The following RBFOX3 variants were observed in gnomAD, a reference collection of about 807,000 sequenced individuals.
The protein encoded by RBFOX3 is RNA binding fox-1 homolog 3.
In RBFOX3, 17 loss-of-function variants were observed where a neutral mutation model predicts 48.7. The observed-to-expected ratio is 0.35, with a 90% CI of 0.24 to 0.52. The LOEUF (loss-of-function observed/expected upper bound fraction) is 0.52. Ranked by LOEUF, RBFOX3 falls within the 20% of genes least tolerant of loss-of-function variation. The pLI is 0.94. For missense variants in RBFOX3, 382 were observed against 497.5 expected (o/e 0.77, Z 2.21); for synonymous variants, 212 against 209.5 (o/e 1.01, Z -0.10).
chr17:79,155,381 G>A (rs947988495), intron 4 of RBFOX3, among the ~76,000 whole-genome samples: 10 of 152,250 alleles, frequency 6.6e-5, no homozygotes, highest in African/African-American at 1.9e-4. Context: ...GCCCGCTCTC[G>A]GGCAGGAAGC....
intron 2 of RBFOX3, among the ~76,000 whole-genome samples, chr17:79,449,767 C>T (rs2073111969): frequency 6.6e-6 from 1 of 152,080 alleles, no homozygotes; most frequent in Admixed American, 6.5e-5. Flanking sequence ...GATGCAACCT[C>T]TTCACTTCTG....
chr17:79,540,520 T>C (rs2089528396), intron 1 of RBFOX3, among the ~76,000 whole-genome samples: 1 of 152,204 alleles, frequency 6.6e-6, no homozygotes, highest in Non-Finnish European at 1.5e-5. Flanking sequence ...AAGGCCAGCA[T>C]CCTGGATGGT....
At chr17:79,237,912 C>A (rs1342234697) in intron 3 of RBFOX3, among the ~76,000 whole-genome samples, 1 of 146,734 alleles carries the variant, frequency 6.8e-6, no homozygotes. Flanking sequence ...CGGCTTGCAT[C>A]AACTGCTGCC....
rs1490870571 is a variant in RBFOX3 at position 79,610,789 on chromosome 17, C to T, written c.-320+37G>A. 2.0e-5 allele frequency among the ~76,000 whole-genome samples: 3 copies of T among 152,040 alleles called. No individual in the cohort carries two copies. In the East Asian group the frequency reaches 5.8e-4, roughly 30 times the overall value. ...AGCTCAGCCCGATGGGAATGACCGC[C>T]GCAGAGCGAGGCGGGCGACGAGGCC... On this transcript the variant is annotated intron_variant, in intron 1 of 14. Transcript: ENST00000693108.
At chr17:79,270,189 G>C (rs913440911) in intron 3 of RBFOX3, among the ~76,000 whole-genome samples, 1 of 151,976 alleles carries the variant, frequency 6.6e-6, no homozygotes, top group Admixed American at 6.6e-5. Context: ...AGCATTCCCT[G>C]CTCCCTTTTT....
chr17:79,428,491 C>T (rs2067803303), intron 2 of RBFOX3, among the ~76,000 whole-genome samples: 1 of 152,262 alleles, frequency 6.6e-6, no homozygotes, highest in Admixed American at 6.5e-5. Flanking sequence ...TTACTTGTCC[C>T]TAACACGGGG....
At chr17:79,255,222 C>CGTGTGT (rs142604866) in intron 3 of RBFOX3, among the ~76,000 whole-genome samples, 7,226 of 147,448 alleles carry the variant, frequency 0.049, 248 homozygotes, top group African/African-American at 0.09. Context: ...CACATGTGTG[C>CGTGTGT]GTGTGTGTGT....
chr17:79,363,877 G>A lies in RBFOX3; in HGVS notation c.-174-56053C>T, dbSNP rs759806795. On this transcript the variant is annotated intron_variant, in intron 2 of 14. Coordinates refer to ENST00000693108, the MANE Select transcript of RBFOX3 (RefSeq NM_001350451.2). This position sits in a 1 kb window ranked among gnomAD's most constrained non-coding sequence, Gnocchi z 4.7. ...GGGATAAAGCAGACGACGGGCTCCT[G>A]CAGCCCCTAACTCTCCCCACCTCGT... Among the ~76,000 whole-genome samples the A allele has an allele frequency of 3.9e-5, 6 of 152,124 alleles. No homozygotes were observed. The highest frequency in any genetic ancestry group is 7.4e-5 in the Non-Finnish European group (5 of 68,026).
chr17:79,401,148 G>T (rs2062748760), intron 2 of RBFOX3, among the ~76,000 whole-genome samples: 3 of 152,202 alleles, frequency 2.0e-5, no homozygotes, highest in South Asian at 4.1e-4. Flanking sequence ...GAATGACAGC[G>T]GTTCGGCAGG....
At chr17:79,225,838 TC>T (rs2060250368) in intron 4 of RBFOX3, among the ~76,000 whole-genome samples, 1 of 152,120 alleles carries the variant, frequency 6.6e-6, no homozygotes, top group East Asian at 1.9e-4. Context: ...AGGTTAACCT[TC>T]CTGCACTCCT....
At chr17:79,394,766 C>T (rs1257803224) in intron 2 of RBFOX3, among the ~76,000 whole-genome samples, 1 of 152,218 alleles carries the variant, frequency 6.6e-6, no homozygotes, top group Admixed American at 6.5e-5. Context: ...CATCTCTCTC[C>T]TCAACTACCC....
chr17:79,611,130 T>TTCTCTCTCTCTCTCCCTCTC (rs2093961175), upstream of RBFOX3, among the ~76,000 whole-genome samples: 1 of 37,846 alleles, frequency 2.6e-5, no homozygotes, highest in African/African-American at 2.6e-4. Flanking sequence ...TCCGCCCTCC[T>TTCTCTCTCTCTCTCCCTCTC]TCTCTCTCTC....
At chr17:79,123,360 A>G (rs2036276289) in intron 4 of RBFOX3, among the ~76,000 whole-genome samples, 1 of 152,168 alleles carries the variant, frequency 6.6e-6, no homozygotes, top group Non-Finnish European at 1.5e-5. Context: ...CACAACAATT[A>G]AAAGTAAGAA....
At chr17:79,442,427 G>C (rs1021493752) in intron 2 of RBFOX3, among the ~76,000 whole-genome samples, 25 of 150,642 alleles carry the variant, frequency 1.7e-4, no homozygotes, top group Non-Finnish European at 3.2e-4. Context: ...GAGAGAGAGA[G>C]ACACCAAGCA....
At chr17:79,448,327 C>G (rs2072768303) in intron 2 of RBFOX3, among the ~76,000 whole-genome samples, 1 of 152,116 alleles carries the variant, frequency 6.6e-6, no homozygotes, top group Non-Finnish European at 1.5e-5. Flanking sequence ...TAACCTGGGA[C>G]CTCAAGCTGT....
At chr17:79,259,690 G>A (rs1035587323) in intron 3 of RBFOX3, among the ~76,000 whole-genome samples, 1 of 152,114 alleles carries the variant, frequency 6.6e-6, no homozygotes, top group East Asian at 1.9e-4. Context: ...TCCCTTTGCT[G>A]AGCCTGGCAA....
chr17:79,178,870 G>A (rs1166516345), intron 4 of RBFOX3, among the ~76,000 whole-genome samples: 1 of 152,208 alleles, frequency 6.6e-6, no homozygotes, highest in African/African-American at 2.4e-5. Flanking sequence ...CAGTGAACAG[G>A]ACAATTTTTC....
At position 79,214,719 on chromosome 17, in the gene RBFOX3, C is replaced by T. The variant is rs2058795966; in HGVS notation, c.-34+21047G>A. ...GAAGCCCAGGAGGGGAGGCTGGAGG[C>T]CCAGGGGCCCCCAGCTACTAGACGG... On this transcript the variant is annotated intron_variant, in intron 4 of 14. Transcript: ENST00000693108. The surrounding 1 kb of genome is among the most constrained non-coding windows in gnomAD (Gnocchi z 4.7). 1.3e-5 allele frequency among the ~76,000 whole-genome samples: 2 copies of T among 151,890 alleles called. No homozygotes were observed. The highest frequency in any genetic ancestry group is 4.2e-4 in the South Asian group (2 of 4,798).
At chr17:79,611,174 C>CTCTCTCTCT (rs1568454632), upstream of RBFOX3, among the ~76,000 whole-genome samples, 2 of 16,436 alleles carry the variant, frequency 1.2e-4, no homozygotes, top group Non-Finnish European at 2.2e-4. Context: ...CTCTCTCTCT[C>CTCTCTCTCT]CGCCCTCCTT....
Sources: allele counts gnomAD v4.1 joint callset (sites outside exome capture counted in the v4.1 genomes callset), GRCh38; gene constraint gnomAD v4.1.1; non-coding constraint Gnocchi (gnomAD v3.1); transcripts MANE v1.5; gene names NCBI Gene and HGNC (gene_info 2026-07-23, HGNC 2026-07-21).